Variants in SUPV3L1 observed in about 807,000 individuals in gnomAD.
SUPV3L1 encodes ATP-dependent RNA helicase SUPV3L1, mitochondrial.
A neutral mutation model predicts 70.0 loss-of-function variants in SUPV3L1; 35 were observed. The observed-to-expected ratio is 0.50, with a 90% confidence interval of 0.38 to 0.66. SUPV3L1 has a LOEUF of 0.66. Among genes scored for constraint, SUPV3L1 ranks in the 30% least tolerant of loss-of-function variants. SUPV3L1 has a pLI of 0.00. For missense variants in SUPV3L1, 777 were observed against 961.5 expected (o/e 0.81, Z 2.54); for synonymous variants, 364 against 341.9 (o/e 1.06, Z -0.71).
chr10:69,206,786 A>G lies in SUPV3L1; in HGVS notation c.1777-1007A>G, dbSNP rs1371222631. Reference sequence around the variant, plus strand: ...CACTTTGGGAGGCCGAGGCGGGTGGATCACAAGGTCGGGAGTTTGAGACCA... The same window carrying G: ...CACTTTGGGAGGCCGAGGCGGGTGGGTCACAAGGTCGGGAGTTTGAGACCA... On this transcript the variant is annotated intron_variant, in intron 13 of 14. Coordinates refer to ENST00000359655, the MANE Select transcript of SUPV3L1 (RefSeq NM_003171.5). 5.9e-5 allele frequency among the ~76,000 whole-genome samples: 9 copies of G among 152,326 alleles called. No homozygotes were observed. In the East Asian group the frequency reaches 1.5e-3, roughly 26 times the overall value.
chr10:69,206,456 C>T (rs559115743), intron 13 of SUPV3L1, among the ~76,000 whole-genome samples: 2 of 152,286 alleles, frequency 1.3e-5, no homozygotes, highest in East Asian at 3.9e-4. Context: ...AGGGGTCTTA[C>T]TGTGTGGTTG....
intron 1 of SUPV3L1, among the ~76,000 whole-genome samples, chr10:69,182,914 G>C (rs972338866): frequency 1.3e-5 from 2 of 152,136 alleles, no homozygotes; most frequent in Non-Finnish European, 2.9e-5. Flanking sequence ...GCCTTATTCT[G>C]TGCTGTCTAT....
chr10:69,182,364 G>A (rs1564697404), intron 1 of SUPV3L1, among the ~76,000 whole-genome samples: 1 of 152,014 alleles, frequency 6.6e-6, no homozygotes, highest in Non-Finnish European at 1.5e-5. Flanking sequence ...AAATAGATGA[G>A]AACTTTTTCA....
intron 13 of SUPV3L1, 129 bp downstream of exon 13, chr10:69,203,172 A>C (rs1283885076): frequency 2.1e-6 from 2 of 955,594 alleles, no homozygotes; most frequent in Non-Finnish European, 3.0e-6. Context: ...GTAAAAACTT[A>C]AATAGGGGTT....
At chr10:69,191,172 G>T (rs1842382124) in intron 5 of SUPV3L1, among the ~76,000 whole-genome samples, 1 of 151,586 alleles carries the variant, frequency 6.6e-6, no homozygotes, top group African/African-American at 2.4e-5. Context: ...TACCCAAGTT[G>T]TGTAAGAGAG....
In SUPV3L1 at chr10:69,197,059, G is replaced by A; in HGVS notation, c.999G>A (p.Met333Ile). 2 of 1,614,124 alleles carry A rather than the reference G, an allele frequency of 1.2e-6. No individual in the cohort carries two copies. Among genetic ancestry groups the A allele is most frequent in the Non-Finnish European group, 8.5e-7 (1 of 1,179,998 alleles). Reference sequence around the variant, plus strand: ...CTATTGACCTGGTGATGGAGCTTATGTACACAACGGGGGAGGAAGTGGAGG... The same window carrying A: ...CTATTGACCTGGTGATGGAGCTTATATACACAACGGGGGAGGAAGTGGAGG... ...PAAIDLVMEL[M>I]YTTGEEVEVR... The change falls in exon 8 of 15, where the codon ATG becomes ATA. Residue 333 changes from methionine (M) to isoleucine (I), a missense_variant. Physicochemically the swap from Met to Ile is conservative, Grantham distance 10. Around this residue, in one of 2 missense-constraint regions of SUPV3L1, gnomAD observed 619 missense variants for 823.3 expected, o/e 0.75. Transcript: ENST00000359655.
At position 69,202,422 on chromosome 10, in the gene SUPV3L1, T is replaced by G; in HGVS notation, c.1519-17T>G. ...AAAAAAAAATCAGCTTATGATTGTT[T>G]TTTCTTTTACTAAAAGGCAGCTGGT... On this transcript the variant is annotated splice_polypyrimidine_tract_variant and intron_variant, in intron 11 of 14. Coordinates refer to ENST00000359655, the MANE Select transcript of SUPV3L1 (RefSeq NM_003171.5). 1 of 1,596,870 alleles carries G rather than the reference T, an allele frequency of 6.3e-7. No homozygotes were observed. Among genetic ancestry groups the G allele is most frequent in the East Asian group, 2.2e-5 (1 of 44,726 alleles).
At chr10:69,191,568 T>C (rs1842398365) in intron 5 of SUPV3L1, 87 bp from the exon 6 acceptor site, 1 of 1,056,360 alleles carries the variant, frequency 9.5e-7, no homozygotes, top group African/African-American at 1.6e-5. Flanking sequence ...ACTAATTTGG[T>C]GGTAGTGGAG....
intron 13 of SUPV3L1, among the ~76,000 whole-genome samples, chr10:69,203,927 GT>G (rs1465490378): frequency 6.6e-6 from 1 of 151,632 alleles, no homozygotes; most frequent in Non-Finnish European, 1.5e-5. Flanking sequence ...ATCTCTCTAT[GT>G]TACCCAGGCT....
At chr10:69,183,318 CT>C (rs1218407914) in intron 1 of SUPV3L1, among the ~76,000 whole-genome samples, 3 of 152,186 alleles carry the variant, frequency 2.0e-5, no homozygotes, top group Admixed American at 1.3e-4. Flanking sequence ...CATATAGCCC[CT>C]TATGTGTCTC....
chr10:69,196,975 C>T lies in SUPV3L1; in HGVS notation c.932-17C>T. ...TATAAATCTTTAAAATTAAGAAACCCAGTTTTGCATTGACAGGACTGTGTG... is the reference window on the plus strand; with the variant it reads ...TATAAATCTTTAAAATTAAGAAACCTAGTTTTGCATTGACAGGACTGTGTG... On this transcript the variant is annotated splice_polypyrimidine_tract_variant and intron_variant, in intron 7 of 14. Transcript: ENST00000359655. 1 of 1,609,082 alleles carries T rather than the reference C, an allele frequency of 6.2e-7. No homozygotes were observed. The highest frequency in any genetic ancestry group is 8.5e-7 in the Non-Finnish European group (1 of 1,176,502).
At chr10:69,206,702 G>T (rs1842838825) in intron 13 of SUPV3L1, among the ~76,000 whole-genome samples, 1 of 152,140 alleles carries the variant, frequency 6.6e-6, no homozygotes, top group African/African-American at 2.4e-5. Flanking sequence ...CCACCTCAGA[G>T]GGTTTCTATA....
rs1842764634 is a variant in SUPV3L1, at chr10:69,204,313, C to T, written c.1776+1270C>T. Among the ~76,000 whole-genome samples, 3 of 152,328 alleles carry T rather than the reference C, an allele frequency of 2.0e-5. No individual in the cohort carries two copies. The South Asian group carries it at 6.2e-4, about 32-fold the overall frequency. ...ACCCCACTAAACCCAAAGGCCTCCTCTTCTCTGAATCTTGTCCTGACTCAC... is the reference window on the plus strand; with the variant it reads ...ACCCCACTAAACCCAAAGGCCTCCTTTTCTCTGAATCTTGTCCTGACTCAC... On this transcript the variant is annotated intron_variant, in intron 13 of 14. Transcript: ENST00000359655.
chr10:69,191,265 T>C (rs1389068046), intron 5 of SUPV3L1, among the ~76,000 whole-genome samples: 1 of 143,516 alleles, frequency 7.0e-6, no homozygotes, highest in Non-Finnish European at 1.5e-5. Flanking sequence ...ACAGTCTTGC[T>C]CTGTCTCCAG....
At chr10:69,191,965 C>G in intron 6 of SUPV3L1, 199 bp downstream of exon 6, 1 of 425,370 alleles carries the variant, frequency 2.4e-6, no homozygotes, top group Non-Finnish European at 4.3e-6. Flanking sequence ...CGCCACCACA[C>G]CCGGCTAATT....
intron 9 of SUPV3L1, among the ~76,000 whole-genome samples, chr10:69,198,847 T>C (rs1014735255): frequency 6.6e-6 from 1 of 152,306 alleles, no homozygotes; most frequent in Non-Finnish European, 1.5e-5. Context: ...TCCTTTTAAG[T>C]TGTAGTCCTG....
At chr10:69,203,840 C>T (rs1033988145) in intron 13 of SUPV3L1, among the ~76,000 whole-genome samples, 3 of 151,924 alleles carry the variant, frequency 2.0e-5, no homozygotes, top group Admixed American at 6.5e-5. Flanking sequence ...ATCCTGCCAC[C>T]TCAGCCTCCC....
intron 13 of SUPV3L1, among the ~76,000 whole-genome samples, chr10:69,204,342 G>C (rs1243877014): frequency 6.6e-6 from 1 of 152,072 alleles, no homozygotes; most frequent in Non-Finnish European, 1.5e-5. Flanking sequence ...GACTCACTGA[G>C]GTTCACTGCC....
At chr10:69,193,868 G>A (rs945129549) in intron 6 of SUPV3L1, among the ~76,000 whole-genome samples, 2 of 152,172 alleles carry the variant, frequency 1.3e-5, no homozygotes, top group Admixed American at 1.3e-4. Context: ...ATAGAATAAG[G>A]TATTTGGAAG....
Sources: allele counts gnomAD v4.1 joint callset (sites outside exome capture counted in the v4.1 genomes callset), GRCh38; gene constraint gnomAD v4.1.1; regional missense constraint gnomAD v4.1.1; transcripts MANE v1.5; gene names NCBI Gene and HGNC (gene_info 2026-07-23, HGNC 2026-07-21).